Variants in TRAPPC9 observed in about 807,000 individuals in gnomAD.
The protein encoded by TRAPPC9 is IKK2 binding protein.
Under a neutral mutation model 124.0 loss-of-function variants are expected in TRAPPC9, and 83 were observed. The observed-to-expected ratio is 0.67, with a 90% CI of 0.56 to 0.80. TRAPPC9 has a LOEUF of 0.80. Ranked by LOEUF, TRAPPC9 falls within the 30% of genes least tolerant of loss-of-function variation. The pLI, the probability that TRAPPC9 is intolerant of heterozygous loss-of-function variation, is 0.00. For missense variants in TRAPPC9, 1,302 were observed against 1,508.3 expected (o/e 0.86, Z 2.27); for synonymous variants, 638 against 617.5 (o/e 1.03, Z -0.49).
At chr8:139,891,583 C>T (rs1830346809) in intron 20 of TRAPPC9, among the ~76,000 whole-genome samples, 1 of 152,250 alleles carries the variant, frequency 6.6e-6, no homozygotes, top group Admixed American at 6.5e-5. Context: ...CCTCCTGGAG[C>T]TCCTGGTCTG....
chr8:139,841,694 C>T (rs1296767644), intron 21 of TRAPPC9, among the ~76,000 whole-genome samples: 4 of 152,188 alleles, frequency 2.6e-5, no homozygotes, highest in African/African-American at 9.6e-5. Context: ...TTCGCAGAAC[C>T]CACAGTGCTC....
rs113401609 is a variant in TRAPPC9 at position 140,389,392 on chromosome 8, TA to T, written c.1134+8227del. Among the ~76,000 whole-genome samples, 23 of 152,034 alleles carry T rather than the reference TA, an allele frequency of 1.5e-4. No individual in the cohort carries two copies. In the South Asian group the frequency reaches 2.9e-3, roughly 19 times the overall value. The stretch of plus-strand genomic sequence containing the variant: ...ATAAAACAATAAAAGCAATCCCTCA[TA>T]GGGGGGGTTATGGATTAAGTGCAGA... On this transcript the variant is annotated intron_variant, in intron 7 of 22. Transcript: ENST00000438773.
intron 5 of TRAPPC9, among the ~76,000 whole-genome samples, chr8:140,418,597 T>A (rs148653494): frequency 6.6e-6 from 1 of 152,302 alleles, no homozygotes; most frequent in East Asian, 1.9e-4. Context: ...GGCACATGCC[T>A]GTAGTCCCAG....
At chr8:139,845,974 A>C (rs910864681) in intron 21 of TRAPPC9, among the ~76,000 whole-genome samples, 2 of 152,260 alleles carry the variant, frequency 1.3e-5, no homozygotes, top group Non-Finnish European at 2.9e-5. Flanking sequence ...AGGAAGGACC[A>C]GAGCACCAGG....
intron 17 of TRAPPC9, among the ~76,000 whole-genome samples, chr8:140,029,404 C>T (rs1840360005): frequency 6.6e-6 from 1 of 152,148 alleles, no homozygotes; most frequent in Non-Finnish European, 1.5e-5. Context: ...ACTCAGGAGG[C>T]TGAGGCATGA....
chr8:139,986,452 C>T (rs1166783083), intron 19 of TRAPPC9, among the ~76,000 whole-genome samples: 3 of 152,024 alleles, frequency 2.0e-5, no homozygotes, highest in African/African-American at 7.2e-5. Flanking sequence ...TTTATTTTTG[C>T]CAACAATTTC....
At position 139,918,257 on chromosome 8, in the gene TRAPPC9, T is replaced by C. The variant is rs377068553; in HGVS notation, c.2811-7957A>G. Among the ~76,000 whole-genome samples the C allele has an allele frequency of 1.0e-3, 159 of 152,304 alleles. 3 individuals are homozygous for C. Among genetic ancestry groups the C allele is most frequent in the African/African-American group, 3.6e-3 (148 of 41,562 alleles). On this transcript the variant is annotated intron_variant, in intron 19 of 22. Coordinates refer to ENST00000438773, the MANE Select transcript of TRAPPC9 (RefSeq NM_001160372.4). The stretch of plus-strand genomic sequence containing the variant: ...AAGTAGAGTGAGCATCAGGAAACGG[T>C]GGCCTCTTGCTGCAGAGGTGGCTTC...
chr8:140,089,918 A>T (rs921461531), intron 17 of TRAPPC9, among the ~76,000 whole-genome samples: 1 of 152,086 alleles, frequency 6.6e-6, no homozygotes, highest in Non-Finnish European at 1.5e-5. Flanking sequence ...TCTCTACTAA[A>T]AATATAAAAA....
rs148957034 is a variant in TRAPPC9, at chr8:140,219,110, A to G, written c.2556+2349T>C. 3.8e-3 allele frequency among the ~76,000 whole-genome samples: 583 copies of G among 152,356 alleles called. 6 individuals are homozygous for G. Among genetic ancestry groups the G allele is most frequent in the Middle Eastern group, 0.017 (5 of 294 alleles). On this transcript the variant is annotated intron_variant, in intron 17 of 22. Coordinates refer to ENST00000438773, the MANE Select transcript of TRAPPC9 (RefSeq NM_001160372.4). ...AGCAGGAAGAGCCAGTGAATGAAAG[A>G]GCACAGAAGGCCTTGGTGAGACCCC...
At chr8:139,905,203 C>A (rs1418659279) in intron 20 of TRAPPC9, among the ~76,000 whole-genome samples, 4 of 151,902 alleles carry the variant, frequency 2.6e-5, no homozygotes, top group African/African-American at 4.8e-5. Flanking sequence ...ACAGACATTA[C>A]AAACAAGCAT....
chr8:140,417,053 T>G (rs2069959947), intron 5 of TRAPPC9, among the ~76,000 whole-genome samples: 1 of 152,186 alleles, frequency 6.6e-6, no homozygotes, highest in South Asian at 2.1e-4. Context: ...CCTTACACCT[T>G]ATACAAAAAT....
intron 17 of TRAPPC9, among the ~76,000 whole-genome samples, chr8:140,193,843 A>G (rs2062563499): frequency 6.6e-6 from 1 of 152,228 alleles, no homozygotes; most frequent in Non-Finnish European, 1.5e-5. Context: ...GGCTGGTCTG[A>G]GAATGACTAG....
At chr8:140,283,294 C>CTTTTTTT (rs376320364) in intron 14 of TRAPPC9, among the ~76,000 whole-genome samples, 1 of 97,228 alleles carries the variant, frequency 1.0e-5, no homozygotes, top group Non-Finnish European at 1.9e-5. Flanking sequence ...ATTAAAATTC[C>CTTTTTTT]TTTTTTTTTT....
chr8:140,245,850 G>T lies in TRAPPC9; in HGVS notation c.2431+6927C>A, dbSNP rs181263873. 8.5e-5 allele frequency among the ~76,000 whole-genome samples: 13 copies of T among 152,298 alleles called. No individual in the cohort carries two copies. In the East Asian group the frequency reaches 9.6e-4, roughly 11 times the overall value. ...GTTCTCCCAGCAGGAGGAACATAATGTGTGGTTGTCTCTTATTTTGTTATG... is the reference window on the plus strand; with the variant it reads ...GTTCTCCCAGCAGGAGGAACATAATTTGTGGTTGTCTCTTATTTTGTTATG... On this transcript the variant is annotated intron_variant, in intron 16 of 22. Coordinates refer to ENST00000438773, the MANE Select transcript of TRAPPC9 (RefSeq NM_001160372.4).
chr8:140,071,717 C>A (rs1241386519), intron 17 of TRAPPC9, among the ~76,000 whole-genome samples: 1 of 152,100 alleles, frequency 6.6e-6, no homozygotes, highest in African/African-American at 2.4e-5. Flanking sequence ...TAAGCAGTGG[C>A]TCCTTTCTCT....
intron 21 of TRAPPC9, among the ~76,000 whole-genome samples, chr8:139,797,134 T>C (rs531029778): frequency 3.3e-5 from 5 of 152,354 alleles, no homozygotes; most frequent in Admixed American, 3.3e-4. Context: ...GGTCTTCGTA[T>C]ATTCTGGATA....
At chr8:140,306,999 C>T (rs1199248986) in intron 10 of TRAPPC9, among the ~76,000 whole-genome samples, 1 of 152,110 alleles carries the variant, frequency 6.6e-6, no homozygotes, top group Non-Finnish European at 1.5e-5. Context: ...CCCAGCTATT[C>T]GTAGGTTTTG....
At chr8:140,221,316 C>T (rs2063333200) in intron 17 of TRAPPC9, 143 bp downstream of exon 17, 3 of 1,295,898 alleles carry the variant, frequency 2.3e-6, no homozygotes, top group African/African-American at 1.5e-5. Flanking sequence ...AAAACATTGT[C>T]CAAGAACAAA....
At chr8:140,039,447 G>A (rs2132021184) in intron 17 of TRAPPC9, among the ~76,000 whole-genome samples, 1 of 152,310 alleles carries the variant, frequency 6.6e-6, no homozygotes, top group African/African-American at 2.4e-5. Context: ...CCTGGATTGT[G>A]TGATTTTAAA....
Sources: allele counts gnomAD v4.1 joint callset (sites outside exome capture counted in the v4.1 genomes callset), GRCh38; gene constraint gnomAD v4.1.1; transcripts MANE v1.5; gene names NCBI Gene and HGNC (gene_info 2026-07-23, HGNC 2026-07-21).